PRKN: variants seen among roughly 807,000 people sequenced by gnomAD.
The protein encoded by PRKN is E3 ubiquitin-protein ligase parkin.
A neutral mutation model predicts 59.5 loss-of-function variants in PRKN; 56 were observed. The observed-to-expected ratio is 0.94, with a 90% confidence interval of 0.76 to 1.18. The LOEUF (loss-of-function observed/expected upper bound fraction) is 1.18, where lower values mean the gene tolerates loss of function less well. Among genes scored for constraint, PRKN ranks in the 50% most tolerant of loss-of-function variants. The pLI is 0.00. For missense variants in PRKN, 657 were observed against 596.4 expected (o/e 1.10, Z -1.06); for synonymous variants, 250 against 222.1 (o/e 1.13, Z -1.12).
intron 10 of PRKN, among the ~76,000 whole-genome samples, chr6:161,368,269 TTA>T (rs1405271614): frequency 2.2e-5 from 2 of 90,840 alleles, no homozygotes; most frequent in East Asian, 2.0e-4. Context: ...CATATAATAT[TTA>T]TATATATGTA....
chr6:161,553,127 G>A lies in PRKN; in HGVS notation c.934-4124C>T, dbSNP rs115763579. 3.1e-3 allele frequency among the ~76,000 whole-genome samples: 466 copies of A among 152,174 alleles called. 2 individuals carry two copies. The highest frequency in any genetic ancestry group is 0.011 in the African/African-American group (454 of 41,526). On this transcript the variant is annotated intron_variant, in intron 8 of 11. Coordinates refer to ENST00000366898, the MANE Select transcript of PRKN (RefSeq NM_004562.3). Reference sequence around the variant, plus strand: ...CACTACAGTTCATTTTGTCTGTTTTGAAGATGTGTTGTTTAGTCCATCACC... The same window carrying A: ...CACTACAGTTCATTTTGTCTGTTTTAAAGATGTGTTGTTTAGTCCATCACC...
chr6:162,492,687 C>A (rs1562327961), intron 1 of PRKN, among the ~76,000 whole-genome samples: 1 of 152,088 alleles, frequency 6.6e-6, no homozygotes, highest in South Asian at 2.1e-4. Context: ...CGCGGTGGCT[C>A]ACGCCTGTAA....
chr6:161,760,600 T>C (rs951365216), intron 7 of PRKN, among the ~76,000 whole-genome samples: 3 of 151,914 alleles, frequency 2.0e-5, no homozygotes, highest in East Asian at 3.9e-4. Flanking sequence ...AGAGTCCCTG[T>C]TTCCCCCTTT....
At chr6:162,228,946 T>C (rs1778304027) in intron 3 of PRKN, among the ~76,000 whole-genome samples, 1 of 152,172 alleles carries the variant, frequency 6.6e-6, no homozygotes, top group African/African-American at 2.4e-5. Context: ...CTTTGCGGTG[T>C]TGTATGCTGG....
chr6:162,229,635 C>T (rs1374420055), intron 3 of PRKN, among the ~76,000 whole-genome samples: 1 of 152,210 alleles, frequency 6.6e-6, no homozygotes, highest in Non-Finnish European at 1.5e-5. Context: ...GATCCAGCCA[C>T]TCTACATCTA....
chr6:161,945,256 A>C (rs1394061757), intron 6 of PRKN, among the ~76,000 whole-genome samples: 1 of 152,172 alleles, frequency 6.6e-6, no homozygotes, highest in Non-Finnish European at 1.5e-5. Context: ...TGTCCTGGCA[A>C]GGTGAGAAAA....
chr6:162,603,759 T>C (rs1040561111), intron 1 of PRKN, among the ~76,000 whole-genome samples: 2 of 151,928 alleles, frequency 1.3e-5, no homozygotes, highest in African/African-American at 4.8e-5. Flanking sequence ...CTTGAGAGAG[T>C]AGAGCACGCT....
chr6:161,539,882 G>A (rs927515396), intron 9 of PRKN, among the ~76,000 whole-genome samples: 8 of 152,084 alleles, frequency 5.3e-5, no homozygotes, highest in Non-Finnish European at 8.8e-5. Flanking sequence ...ATCAGGACAC[G>A]GATTGACCTT....
chr6:162,372,823 G>A (rs998294824), intron 2 of PRKN, among the ~76,000 whole-genome samples: 2 of 152,172 alleles, frequency 1.3e-5, no homozygotes, highest in East Asian at 1.9e-4. Flanking sequence ...ACTAAAGCCC[G>A]TGTATCTTTA....
chr6:161,626,072 C>T (rs576029936), intron 7 of PRKN, among the ~76,000 whole-genome samples: 1 of 152,308 alleles, frequency 6.6e-6, no homozygotes, highest in African/African-American at 2.4e-5. Flanking sequence ...CGTAGACAGG[C>T]TAAACAAATT....
At chr6:162,511,344 T>C (rs1220822178) in intron 1 of PRKN, among the ~76,000 whole-genome samples, 1 of 152,176 alleles carries the variant, frequency 6.6e-6, no homozygotes, top group Non-Finnish European at 1.5e-5. Context: ...ACATTCTAGA[T>C]GTACATGTAC....
Position 161,409,745 on chromosome 6 carries a change from T to C in PRKN, c.1084-22868A>G, listed in dbSNP as rs1787436611. On this transcript the variant is annotated intron_variant, in intron 9 of 11. Coordinates refer to ENST00000366898, the MANE Select transcript of PRKN (RefSeq NM_004562.3). This position sits in a 1 kb window ranked among gnomAD's most constrained non-coding sequence, Gnocchi z 4.6. ...TGTTCTTTCAGAGTCAGGTCGCTGT[T>C]AGATGACAACCCCTTCAGCACCGGC... Among the ~76,000 whole-genome samples, 1 of 152,120 alleles carries C rather than the reference T, an allele frequency of 6.6e-6. No individual in the cohort carries two copies. The highest frequency in any genetic ancestry group is 6.6e-5 in the Admixed American group (1 of 15,258).
intron 2 of PRKN, among the ~76,000 whole-genome samples, chr6:162,340,172 T>G (rs1784108936): frequency 6.6e-6 from 1 of 151,316 alleles, no homozygotes; most frequent in African/African-American, 2.4e-5. Context: ...TAGTCTCTGA[T>G]TTTTGCAATT....
chr6:162,381,734 T>A lies in PRKN; in HGVS notation c.171+61576A>T, dbSNP rs548605518. On this transcript the variant is annotated intron_variant, in intron 2 of 11. Transcript: ENST00000366898. ...TACCATTACGCACTTTTTTCTGATT[T>A]TTTTTTATTAGTCCAAAGAAATAAA... Among the ~76,000 whole-genome samples, 16 of 152,344 alleles carry A rather than the reference T, an allele frequency of 1.1e-4. 1 individual carries two copies. The South Asian group carries it at 3.3e-3, about 32-fold the overall frequency.
chr6:161,986,126 G>A (rs967199338), intron 5 of PRKN, among the ~76,000 whole-genome samples: 1 of 152,112 alleles, frequency 6.6e-6, no homozygotes, highest in Non-Finnish European at 1.5e-5. Context: ...ATGACCCAAT[G>A]ACCCAGAAGT....
chr6:162,274,184 T>TAATTAATTAATTAATTAATTAATTA (rs1562631941), intron 2 of PRKN, among the ~76,000 whole-genome samples: 1 of 142,782 alleles, frequency 7.0e-6, no homozygotes, highest in Non-Finnish European at 1.5e-5. Context: ...TTTATTAATG[T>TAATTAATTAATTAATTAATTAATTA]ATTTATTTAT....
chr6:161,832,560 G>T (rs1766166925), intron 6 of PRKN, among the ~76,000 whole-genome samples: 1 of 148,946 alleles, frequency 6.7e-6, no homozygotes, highest in African/African-American at 2.5e-5. Context: ...GGAGGCGGTG[G>T]TTGCAGTGAG....
chr6:161,727,260 G>T (rs559472343), intron 7 of PRKN, among the ~76,000 whole-genome samples: 1 of 152,198 alleles, frequency 6.6e-6, no homozygotes, highest in African/African-American at 2.4e-5. Flanking sequence ...CCCCTGCAGG[G>T]CAAATGCATT....
At chr6:161,995,309 T>C (rs759703661) in intron 5 of PRKN, among the ~76,000 whole-genome samples, 1 of 152,028 alleles carries the variant, frequency 6.6e-6, no homozygotes, top group Non-Finnish European at 1.5e-5. Flanking sequence ...CCCCAAAGTA[T>C]AGAACTACTA....
Sources: allele counts gnomAD v4.1 joint callset (sites outside exome capture counted in the v4.1 genomes callset), GRCh38; gene constraint gnomAD v4.1.1; non-coding constraint Gnocchi (gnomAD v3.1); transcripts MANE v1.5; gene names NCBI Gene and HGNC (gene_info 2026-07-23, HGNC 2026-07-21).